Variants in ZNF77 observed in about 807,000 individuals in gnomAD.
The protein encoded by ZNF77 is ZNFpT1.
Under a neutral mutation model 13.5 loss-of-function variants are expected in ZNF77, and 15 were observed. That is an observed-to-expected ratio of 1.11 (90% CI 0.74 to 1.71). The LOEUF (loss-of-function observed/expected upper bound fraction) is 1.71, where lower values mean the gene tolerates loss of function less well. Ranked by LOEUF, ZNF77 falls within the 40% of genes most tolerant of loss-of-function variation. The probability of loss-of-function intolerance (pLI) is 0.00; values close to 1 mark genes in which losing one functional copy is unlikely to be tolerated. For missense variants in ZNF77, 717 were observed against 676.4 expected (o/e 1.06, Z -0.67); for synonymous variants, 282 against 250.0 (o/e 1.13, Z -1.21).
At chr19:2,940,343 G>A (rs935988901) in intron 1 of ZNF77, among the ~76,000 whole-genome samples, 1 of 151,454 alleles carries the variant, frequency 6.6e-6, no homozygotes, top group Non-Finnish European at 1.5e-5. Context: ...GGACAACACA[G>A]TGAAACCCTG....
At position 2,933,965 on chromosome 19, in the gene ZNF77, C is replaced by T; in HGVS notation, c.1162G>A (p.Ala388Thr). ...CTAAAGTAAGTGGGACATCCGAAGGCCTTCCCACACTGCTTGCACACATAG... is the reference window on the plus strand; with the variant it reads ...CTAAAGTAAGTGGGACATCCGAAGGTCTTCCCACACTGCTTGCACACATAG... ...KPYVCKQCGK[A>T]FGCPTYFRRH... Residue 388 changes from alanine (A) to threonine (T), a missense_variant, in exon 4 of 4, where the codon GCC (alanine) becomes ACC (threonine). Transcript: ENST00000314531. 1.2e-6 allele frequency: 2 copies of T among 1,613,498 alleles called. No individual in the cohort carries two copies. The highest frequency in any genetic ancestry group is 8.5e-7 in the Non-Finnish European group (1 of 1,179,844).
Position 2,934,087 on chromosome 19 carries a change from C to A in ZNF77, c.1040G>T (p.Ser347Ile). 1 of 1,613,960 alleles carries A rather than the reference C, an allele frequency of 6.2e-7. No individual in the cohort carries two copies. Among genetic ancestry groups the A allele is most frequent in the Non-Finnish European group, 8.5e-7 (1 of 1,179,996 alleles). Residue 347 changes from serine to isoleucine, a missense_variant, in exon 4 of 4, where the codon AGT becomes ATT. By Grantham distance (142) the Ser-to-Ile change is moderately radical. Coordinates refer to ENST00000314531, the MANE Select transcript of ZNF77 (RefSeq NM_021217.3). ...SSLREHGRTHSGEKPYECKEC... is the reference protein window; with the variant it reads ...SSLREHGRTHIGEKPYECKEC... ...CTTACATTCATAGGGTTTCTCTCCA[C>A]TGTGCGTTCTCCCATGTTCTCGAAG... is the stretch of plus-strand genomic sequence containing the variant.
At chr19:2,942,085 T>C (rs2088453588) in intron 1 of ZNF77, among the ~76,000 whole-genome samples, 1 of 151,858 alleles carries the variant, frequency 6.6e-6, no homozygotes, top group South Asian at 2.1e-4. Context: ...CTTTTTTTTT[T>C]TTTTGAGACA....
chr19:2,938,549 C>T (rs1360110017), intron 2 of ZNF77, among the ~76,000 whole-genome samples: 1 of 152,202 alleles, frequency 6.6e-6, no homozygotes, highest in Non-Finnish European at 1.5e-5. Context: ...CAATCATACA[C>T]AAAACTTTGT....
intron 1 of ZNF77, 30 bp downstream of exon 1, chr19:2,944,808 G>T (rs140057887): frequency 0.032 from 48,581 of 1,512,022 alleles, 919 homozygotes; most frequent in Non-Finnish European, 0.036. Flanking sequence ...CTCGCCCTGG[G>T]CCCGGGCTCG....
rs572080328 is a variant in ZNF77 at position 2,938,134 on chromosome 19, C to T, written c.130+1147G>A. Among the ~76,000 whole-genome samples, 269 of 152,294 alleles carry T rather than the reference C, an allele frequency of 1.8e-3. 1 individual carries two copies. Among genetic ancestry groups the T allele is most frequent in the African/African-American group, 6.3e-3 (260 of 41,586 alleles). On this transcript the variant is annotated intron_variant, in intron 2 of 3. Transcript: ENST00000314531. ...CCCACTCCTCCCGAGGGCTGCTGCT[C>T]TCCTGGTGCTCACAGGCACAGGGCC...
chr19:2,941,482 A>G (rs2088448174), intron 1 of ZNF77, among the ~76,000 whole-genome samples: 1 of 152,126 alleles, frequency 6.6e-6, no homozygotes, highest in Non-Finnish European at 1.5e-5. Context: ...CTCAAAAAAA[A>G]AATAAAAATA....
Position 2,934,712 on chromosome 19 carries a change from C to T in ZNF77, c.415G>A (p.Ala139Thr). Reference sequence around the variant, plus strand: ...CACTTAGTGCACTCAGAGGGTTTAGCTTCGGTAGGGTAACTCTTGTGCACA... The same window carrying T: ...CACTTAGTGCACTCAGAGGGTTTAGTTTCGGTAGGGTAACTCTTGTGCACA... ...LLVHKSYPTE[A>T]KPSECTKCGK... Residue 139 changes from alanine (A) to threonine (T), a missense_variant, in exon 4 of 4, where the codon GCT becomes ACT. Ala to Thr is a moderately conservative substitution (Grantham distance 58). Coordinates refer to ENST00000314531, the MANE Select transcript of ZNF77 (RefSeq NM_021217.3). The T allele has an allele frequency of 6.2e-7, 1 of 1,614,158 alleles. No homozygotes were observed. The highest frequency in any genetic ancestry group is 8.5e-7 in the Non-Finnish European group (1 of 1,180,032).
chr19:2,936,031 TAAATAAAATAA>T (rs1227899302), intron 3 of ZNF77, among the ~76,000 whole-genome samples: 1 of 149,780 alleles, frequency 6.7e-6, no homozygotes, highest in African/African-American at 2.5e-5. Flanking sequence ...AATAAATAAA[TAAATAAAATAA>T]AAATAAAATA....
At chr19:2,944,229 C>T (rs75078623) in intron 1 of ZNF77, among the ~76,000 whole-genome samples, 4,496 of 147,764 alleles carry the variant, frequency 0.03, 229 homozygotes, top group African/African-American at 0.11. Flanking sequence ...CTACTGCCCC[C>T]CTTAAAGTGC....
Position 2,934,578 on chromosome 19 carries a change from C to A in ZNF77, c.549G>T (p.Thr183=). ...AATTACAGGGTTTCTCTACAGTCTG[C>A]GTTTTCATAGGAGGGCTTTGGCAGG... ...CLSCQSPPMK[T]QTVEKPCNCQ... is the part of the protein sequence containing the mutation. The change falls in exon 4 of 4, where the codon ACG becomes ACT. Residue 183 remains threonine (T), a synonymous_variant. Coordinates refer to ENST00000314531, the MANE Select transcript of ZNF77 (RefSeq NM_021217.3). The A allele has an allele frequency of 6.2e-7, 1 of 1,614,144 alleles. No individual in the cohort carries two copies. Among genetic ancestry groups the A allele is most frequent in the Non-Finnish European group, 8.5e-7 (1 of 1,180,012 alleles).
In ZNF77 at chr19:2,936,535, C is replaced by T. The variant is rs2088398381; in HGVS notation, c.300G>A (p.Gln100=). The T allele has an allele frequency of 6.2e-7, 1 of 1,601,740 alleles. No homozygotes were observed. The highest frequency in any genetic ancestry group is 1.8e-5 in the Admixed American group (1 of 56,482). The change falls in exon 3 of 4, where the codon CAG becomes CAA. Residue 100 remains glutamine (Q), a synonymous_variant. Transcript: ENST00000314531. ...TGAGCGCCACTCACCTCAGATGCCT[C>T]TGTGGGATTTGGTGCTGATCTCCAG... ...DNTGDQHQIP[Q]RHLRSQLGRL... is the part of the protein sequence containing the mutation.
intron 1 of ZNF77, among the ~76,000 whole-genome samples, chr19:2,940,542 A>T (rs550746482): frequency 6.6e-6 from 1 of 151,944 alleles, no homozygotes; most frequent in Non-Finnish European, 1.5e-5. Flanking sequence ...GCGTGGTGGC[A>T]CACGCCTGTA....
intron 3 of ZNF77, among the ~76,000 whole-genome samples, chr19:2,935,660 G>C (rs1215918538): frequency 2.6e-5 from 4 of 152,042 alleles, no homozygotes; most frequent in African/African-American, 9.7e-5. Context: ...GAAGTTTCCT[G>C]ATATTGTTTC....
intron 1 of ZNF77, among the ~76,000 whole-genome samples, chr19:2,942,199 GT>G (rs1484078236): frequency 1.3e-5 from 2 of 151,464 alleles, no homozygotes; most frequent in Admixed American, 1.3e-4. Flanking sequence ...AGACTCCCAA[GT>G]AGCTGGGATT....
chr19:2,939,677 G>GA (rs1460327263), intron 1 of ZNF77: 15 of 433,570 alleles, frequency 3.5e-5, no homozygotes, highest in Non-Finnish European at 5.1e-5. Flanking sequence ...TGAAAAATCT[G>GA]AAAACATCAT....
chr19:2,934,709 T>C lies in ZNF77; in HGVS notation c.418A>G (p.Lys140Glu), dbSNP rs775668204. The part of the protein sequence containing the change: ...LVHKSYPTEA[K>E]PSECTKCGKA... The stretch of plus-strand genomic sequence containing the variant: ...CCACACTTAGTGCACTCAGAGGGTT[T>C]AGCTTCGGTAGGGTAACTCTTGTGC... Residue 140 changes from lysine (K) to glutamate (E), a missense_variant, in exon 4 of 4, where the codon AAA (lysine) becomes GAA (glutamate). Physicochemically the swap from Lys to Glu is moderately conservative, Grantham distance 56. Coordinates refer to ENST00000314531, the MANE Select transcript of ZNF77 (RefSeq NM_021217.3). 6.2e-7 allele frequency: 1 copy of C among 1,614,184 alleles called. No individual in the cohort carries two copies.
intron 2 of ZNF77, among the ~76,000 whole-genome samples, chr19:2,938,172 C>G (rs1475680637): frequency 6.6e-6 from 1 of 152,168 alleles, no homozygotes; most frequent in African/African-American, 2.4e-5. Context: ...TACAGGAGTC[C>G]TTCCTCCACT....
chr19:2,942,714 C>G (rs114909024), intron 1 of ZNF77, among the ~76,000 whole-genome samples: 2,381 of 152,104 alleles, frequency 0.016, 58 homozygotes, highest in African/African-American at 0.054. Flanking sequence ...CAGGACCCTC[C>G]CTTCCCATAC....
Sources: gnomAD v4.1 joint callset for allele counts (sites outside exome capture counted in the v4.1 genomes callset) on GRCh38, gnomAD v4.1.1 for gene constraint, MANE v1.5 for transcripts, NCBI Gene and HGNC (gene_info 2026-07-23, HGNC 2026-07-21) for gene names.